GLRA3: variants seen among roughly 807,000 people sequenced by gnomAD.
GLRA3 encodes the protein glycine receptor subunit alpha-3.
In GLRA3, 44 loss-of-function variants were observed where a neutral mutation model predicts 60.4. That is an observed-to-expected ratio of 0.73 (90% CI 0.57 to 0.94). GLRA3 has a LOEUF of 0.94. Among genes scored for constraint, GLRA3 ranks in the 40% least tolerant of loss-of-function variants. The probability of loss-of-function intolerance (pLI) is 0.00; values close to 1 mark genes in which losing one functional copy is unlikely to be tolerated. For missense variants in GLRA3, 508 were observed against 564.6 expected (o/e 0.90, Z 1.02); for synonymous variants, 223 against 192.9 (o/e 1.16, Z -1.29).
chr4:174,727,354 A>G (rs1736368762), intron 4 of GLRA3, among the ~76,000 whole-genome samples: 1 of 152,238 alleles, frequency 6.6e-6, no homozygotes, highest in Admixed American at 6.5e-5. Flanking sequence ...GATGAGAAGG[A>G]AAGTTTACAA....
intron 3 of GLRA3, among the ~76,000 whole-genome samples, chr4:174,752,147 A>T (rs892802118): frequency 1.3e-5 from 2 of 152,134 alleles, no homozygotes; most frequent in African/African-American, 4.8e-5. Flanking sequence ...TAGAATCAGA[A>T]TTTTTAGCCT....
rs1440911164 is a variant in GLRA3, at chr4:174,750,551, C to A, written c.267+16412G>T. Among the ~76,000 whole-genome samples the A allele has an allele frequency of 2.4e-4, 36 of 152,016 alleles. 1 individual carries two copies. The highest frequency in any genetic ancestry group is 2.4e-3 in the Admixed American group (36 of 15,242). On this transcript the variant is annotated intron_variant, in intron 3 of 9. Transcript: ENST00000274093. ...ATATTAGTAAATGAAAGGCCAGCATCTTTAAAAAAAAATGCATTGTGATGG... is the reference window on the plus strand; with the variant it reads ...ATATTAGTAAATGAAAGGCCAGCATATTTAAAAAAAAATGCATTGTGATGG...
rs76737474 is a variant in GLRA3, at chr4:174,763,924, C to A, written c.267+3039G>T. Among the ~76,000 whole-genome samples the A allele has an allele frequency of 7.8e-3, 1,185 of 152,168 alleles. 17 individuals carry two copies. Among genetic ancestry groups the A allele is most frequent in the Non-Finnish European group, 0.013 (853 of 67,980 alleles). The stretch of plus-strand genomic sequence containing the variant: ...GGTGGAACAAGTCCTTAAAGAATCT[C>A]ATTATGACTCATATATGAGGGTAAT... On this transcript the variant is annotated intron_variant, in intron 3 of 9. Coordinates refer to ENST00000274093, the MANE Select transcript of GLRA3 (RefSeq NM_006529.4).
chr4:174,688,726 A>G (rs1263455852), intron 5 of GLRA3, among the ~76,000 whole-genome samples: 1 of 151,750 alleles, frequency 6.6e-6, no homozygotes, highest in African/African-American at 2.4e-5. Context: ...GAAATCATGG[A>G]ACTAGATATT....
At chr4:174,671,215 T>C (rs1025653963) in intron 7 of GLRA3, among the ~76,000 whole-genome samples, 5 of 152,158 alleles carry the variant, frequency 3.3e-5, no homozygotes, top group African/African-American at 1.2e-4. Flanking sequence ...ATTAGTTAAC[T>C]ACATTTTCAG....
At chr4:174,692,374 G>A (rs1734877021) in intron 5 of GLRA3, among the ~76,000 whole-genome samples, 1 of 149,630 alleles carries the variant, frequency 6.7e-6, no homozygotes. Flanking sequence ...GGGCGCCTCT[G>A]CCTGGCCGCC....
chr4:174,789,511 C>T (rs1011668776), intron 1 of GLRA3, among the ~76,000 whole-genome samples: 4 of 152,110 alleles, frequency 2.6e-5, no homozygotes, highest in Admixed American at 6.5e-5. Flanking sequence ...CAATACCTTT[C>T]GTTCAGATCT....
At chr4:174,651,942 T>C (rs9685119) in intron 9 of GLRA3, among the ~76,000 whole-genome samples, 23,570 of 152,030 alleles carry the variant, frequency 0.16, 3,559 homozygotes, top group African/African-American at 0.39. Context: ...CAGACTCCTG[T>C]ACAGGGTCCT....
At chr4:174,718,827 A>G (rs994075201) in intron 4 of GLRA3, among the ~76,000 whole-genome samples, 9 of 152,202 alleles carry the variant, frequency 5.9e-5, no homozygotes, top group African/African-American at 2.2e-4. Context: ...CAAATTTACA[A>G]GAATAGGTAA....
chr4:174,706,203 C>T (rs1225937874), intron 5 of GLRA3, among the ~76,000 whole-genome samples: 2 of 151,486 alleles, frequency 1.3e-5, no homozygotes, highest in Admixed American at 6.6e-5. Flanking sequence ...GCACTCCAGC[C>T]TGGGCGAAAG....
intron 3 of GLRA3, among the ~76,000 whole-genome samples, chr4:174,742,346 G>C (rs1368471882): frequency 2.6e-5 from 4 of 152,088 alleles, no homozygotes; most frequent in Admixed American, 2.6e-4. Flanking sequence ...AGCTTGCTTT[G>C]AGTATTGTTC....
chr4:174,665,013 G>T (rs1046315094), intron 7 of GLRA3, among the ~76,000 whole-genome samples: 4 of 152,086 alleles, frequency 2.6e-5, no homozygotes, highest in African/African-American at 9.7e-5. Context: ...TTTAAAAGAA[G>T]TGTTGTAAAG....
intron 5 of GLRA3, among the ~76,000 whole-genome samples, chr4:174,693,537 A>G (rs1487028967): frequency 1.3e-5 from 2 of 152,050 alleles, no homozygotes; most frequent in Non-Finnish European, 2.9e-5. Context: ...TTGTACCAGT[A>G]CCCTGCTCTT....
At chr4:174,787,055 A>T in intron 2 of GLRA3, among the ~76,000 whole-genome samples, 1 of 152,120 alleles carries the variant, frequency 6.6e-6, no homozygotes, top group Admixed American at 6.6e-5. Flanking sequence ...AATAGTAATA[A>T]TCACATTTTT....
intron 3 of GLRA3, among the ~76,000 whole-genome samples, chr4:174,731,807 A>C (rs1736556613): frequency 6.6e-6 from 1 of 152,232 alleles, no homozygotes; most frequent in African/African-American, 2.4e-5. Context: ...ATAATTGAGA[A>C]AAAGAGAAAC....
At chr4:174,719,185 G>A (rs867723011) in intron 4 of GLRA3, among the ~76,000 whole-genome samples, 5 of 151,408 alleles carry the variant, frequency 3.3e-5, no homozygotes, top group Non-Finnish European at 5.9e-5. Flanking sequence ...GGATGGTCTC[G>A]ATCTCCTGAC....
chr4:174,828,592 A>C, intron 1 of GLRA3, 149 bp downstream of exon 1: 1 of 616,714 alleles, frequency 1.6e-6, no homozygotes. Context: ...ACTGCTAAAT[A>C]ATTTAGACAG....
At chr4:174,790,758 AT>A (rs1235848914) in intron 1 of GLRA3, among the ~76,000 whole-genome samples, 2 of 149,206 alleles carry the variant, frequency 1.3e-5, no homozygotes, top group Admixed American at 1.4e-4. Context: ...AAGCGGGTGG[AT>A]CACGAGGTAA....
chr4:174,729,408 G>A (rs1333032927), intron 3 of GLRA3, among the ~76,000 whole-genome samples: 1 of 152,058 alleles, frequency 6.6e-6, no homozygotes, highest in Non-Finnish European at 1.5e-5. Flanking sequence ...TATGAAATAA[G>A]TAATTTGAGA....
Sources: allele counts gnomAD v4.1 joint callset (sites outside exome capture counted in the v4.1 genomes callset), GRCh38; gene constraint gnomAD v4.1.1; transcripts MANE v1.5; gene names NCBI Gene and HGNC (gene_info 2026-07-23, HGNC 2026-07-21).